Variants in KCNN3 observed in about 807,000 individuals in gnomAD.
The protein encoded by KCNN3 is potassium calcium-activated channel subfamily N member 3, also known as small conductance calcium-activated potassium channel protein 3.
In KCNN3, 16 loss-of-function variants were observed where a neutral mutation model predicts 62.9. The ratio of observed to expected loss-of-function variants is 0.25; its 90% CI spans 0.17 to 0.39. KCNN3 has a LOEUF of 0.39. KCNN3 is among the 10% of genes least tolerant of loss of function. KCNN3 has a pLI of 1.00. For missense variants in KCNN3, 599 were observed against 949.4 expected (o/e 0.63, Z 4.85); for synonymous variants, 370 against 389.2 (o/e 0.95, Z 0.58).
At chr1:154,828,727 A>G (rs1221932582) in intron 1 of KCNN3, among the ~76,000 whole-genome samples, 2 of 152,338 alleles carry the variant, frequency 1.3e-5, no homozygotes, top group Admixed American at 6.5e-5. Context: ...TCACACAAAG[A>G]GAAGCATGCA....
intron 2 of KCNN3, among the ~76,000 whole-genome samples, chr1:154,773,232 A>G (rs1010230236): frequency 2.0e-5 from 3 of 152,086 alleles, no homozygotes; most frequent in Non-Finnish European, 4.4e-5. Context: ...AGCTGCACAC[A>G]TGGAGGTCCC....
chr1:154,759,855 A>C (rs1391742568), intron 3 of KCNN3, among the ~76,000 whole-genome samples: 1 of 152,156 alleles, frequency 6.6e-6, no homozygotes, highest in South Asian at 2.1e-4. Flanking sequence ...AAAAAATGGA[A>C]TGGTTTCTCA....
intron 2 of KCNN3, among the ~76,000 whole-genome samples, chr1:154,791,654 C>T: frequency 6.6e-6 from 1 of 152,186 alleles, no homozygotes; most frequent in East Asian, 1.9e-4. Flanking sequence ...GAACGAAAGG[C>T]CCCGATGTTA....
chr1:154,730,834 G>A (rs7548954), intron 4 of KCNN3, among the ~76,000 whole-genome samples: 12 of 152,236 alleles, frequency 7.9e-5, no homozygotes, highest in Non-Finnish European at 1.5e-4. Flanking sequence ...GGAACAGAAC[G>A]CTCTCTCTGG....
At chr1:154,782,551 T>G (rs1649094872) in intron 2 of KCNN3, among the ~76,000 whole-genome samples, 1 of 152,170 alleles carries the variant, frequency 6.6e-6, no homozygotes, top group South Asian at 2.1e-4. Flanking sequence ...TATTTAAACT[T>G]AATTACCTCC....
At chr1:154,765,263 G>A (rs1648206969) in intron 3 of KCNN3, among the ~76,000 whole-genome samples, 1 of 146,858 alleles carries the variant, frequency 6.8e-6, no homozygotes, top group East Asian at 2.0e-4. Flanking sequence ...TGTTTACTGT[G>A]CGTATATTTC....
At position 154,714,341 on chromosome 1, in the gene KCNN3, G is replaced by T. The variant is rs565075783; in HGVS notation, c.1829+535C>A. On this transcript the variant is annotated intron_variant, in intron 6 of 7. Transcript: ENST00000271915. Reference sequence around the variant, plus strand: ...TGAGGTGTGTGTGTGTGGTGTTTGTGTGTGGTGTGTATGGTGTGTGTATGG... The same window carrying T: ...TGAGGTGTGTGTGTGTGGTGTTTGTTTGTGGTGTGTATGGTGTGTGTATGG... Among the ~76,000 whole-genome samples the T allele has an allele frequency of 4.7e-5, 6 of 128,358 alleles. No homozygotes were observed. In the South Asian group the frequency reaches 1.6e-3, roughly 35 times the overall value. The allele number at this position is 128,358 out of a possible 152,430, so 84.2% of individuals were successfully genotyped here. A position where few individuals can be genotyped will look rare whatever the true frequency, so the allele number is the denominator to read the frequency against.
intron 7 of KCNN3, among the ~76,000 whole-genome samples, chr1:154,713,195 G>T (rs1045442394): frequency 6.6e-6 from 1 of 152,120 alleles, no homozygotes; most frequent in Non-Finnish European, 1.5e-5. Flanking sequence ...CACGGAAAAG[G>T]TTTAGTCAGC....
chr1:154,799,122 G>A (rs1479879460), intron 2 of KCNN3, among the ~76,000 whole-genome samples: 1 of 151,996 alleles, frequency 6.6e-6, no homozygotes, highest in Non-Finnish European at 1.5e-5. Context: ...TCACCATGTT[G>A]GCCAGGCTGG....
At chr1:154,863,049 A>C (rs1212232636) in intron 1 of KCNN3, among the ~76,000 whole-genome samples, 1 of 152,020 alleles carries the variant, frequency 6.6e-6, no homozygotes, top group African/African-American at 2.4e-5. Flanking sequence ...GTGTAATGTA[A>C]AGCCAGCCCA....
intron 1 of KCNN3, among the ~76,000 whole-genome samples, chr1:154,866,464 T>G (rs1283388751): frequency 6.6e-6 from 1 of 152,124 alleles, no homozygotes; most frequent in Non-Finnish European, 1.5e-5. Flanking sequence ...ACACAAATAG[T>G]AGTGGCAGAG....
intron 5 of KCNN3, 33 bp from the exon 6 acceptor site, chr1:154,715,036 A>G (rs1341205426): frequency 6.2e-7 from 1 of 1,612,680 alleles, no homozygotes; most frequent in Non-Finnish European, 8.5e-7. Context: ...GGCTGCTATC[A>G]GGTTCATTTT....
At chr1:154,778,611 C>CTTTTTTTTTTTT (rs11459390) in intron 2 of KCNN3, among the ~76,000 whole-genome samples, 2 of 73,602 alleles carry the variant, frequency 2.7e-5, no homozygotes, top group Non-Finnish European at 2.5e-5. Flanking sequence ...CTCTCTGTCT[C>CTTTTTTTTTTTT]TTTTTTTTTT....
chr1:154,782,337 C>CA (rs1207122156), intron 2 of KCNN3, among the ~76,000 whole-genome samples: 2 of 152,184 alleles, frequency 1.3e-5, no homozygotes, highest in African/African-American at 2.4e-5. Flanking sequence ...CTGGGTAACT[C>CA]AAAAAACAGA....
chr1:154,820,404 G>A (rs1343167717), intron 2 of KCNN3, among the ~76,000 whole-genome samples: 1 of 152,238 alleles, frequency 6.6e-6, no homozygotes, highest in Non-Finnish European at 1.5e-5. Flanking sequence ...TCAAGCCTGG[G>A]TCATAACTGA....
intron 3 of KCNN3, 37 bp downstream of exon 3, chr1:154,771,938 C>CT (rs929592330): frequency 1.3e-6 from 2 of 1,599,324 alleles, no homozygotes; most frequent in African/African-American, 2.7e-5. Flanking sequence ...CCTGTCCCAG[C>CT]ACAGGCTCTG....
intron 3 of KCNN3, among the ~76,000 whole-genome samples, chr1:154,755,173 T>G (rs917381107): frequency 6.6e-6 from 1 of 152,128 alleles, no homozygotes; most frequent in Non-Finnish European, 1.5e-5. Flanking sequence ...CTCTCCTATT[T>G]AAAACCCTTC....
chr1:154,729,732 CA>C (rs1700550093), intron 4 of KCNN3, among the ~76,000 whole-genome samples: 1 of 152,148 alleles, frequency 6.6e-6, no homozygotes, highest in Non-Finnish European at 1.5e-5. Flanking sequence ...GGTTTGAAAC[CA>C]AGGTGTTTCG....
At chr1:154,785,253 C>T (rs1373635578) in intron 2 of KCNN3, among the ~76,000 whole-genome samples, 13 of 152,248 alleles carry the variant, frequency 8.5e-5, no homozygotes, top group African/African-American at 3.1e-4. Flanking sequence ...CACCTGTTTA[C>T]CACTAAGGGA....
Sources: allele counts gnomAD v4.1 joint callset (sites outside exome capture counted in the v4.1 genomes callset), GRCh38; gene constraint gnomAD v4.1.1; transcripts MANE v1.5; gene names NCBI Gene and HGNC (gene_info 2026-07-23, HGNC 2026-07-21).